ALDH1A2: variants seen among roughly 807,000 people sequenced by gnomAD.
ALDH1A2 encodes the protein retinal dehydrogenase 2.
A neutral mutation model predicts 60.3 loss-of-function variants in ALDH1A2; 27 were observed. That is an observed-to-expected ratio of 0.45 (90% CI 0.33 to 0.62). The LOEUF (loss-of-function observed/expected upper bound fraction) is 0.62. ALDH1A2 is among the 20% of genes least tolerant of loss of function. ALDH1A2 has a pLI of 0.02. For missense variants in ALDH1A2, 581 were observed against 643.8 expected, an observed-to-expected ratio of 0.90 and a Z score of 1.06; for synonymous variants, 289 against 232.4, an observed-to-expected ratio of 1.24 and a Z score of -2.21.
At chr15:58,013,738 C>T in intron 3 of ALDH1A2, 120 bp downstream of exon 3, 2 of 1,354,468 alleles carry the variant, frequency 1.5e-6, no homozygotes, top group Middle Eastern at 2.8e-4. Flanking sequence ...GGCGACAGAG[C>T]TAGACTCCGT....
chr15:57,984,345 T>C (rs1894625613), intron 7 of ALDH1A2, among the ~76,000 whole-genome samples: 1 of 152,228 alleles, frequency 6.6e-6, no homozygotes. Flanking sequence ...TAATACTTTG[T>C]AAAATTAATT....
At chr15:57,961,395 C>A (rs2140449418) in intron 10 of ALDH1A2, 101 bp from the exon 11 acceptor site, 1 of 1,417,634 alleles carries the variant, frequency 7.1e-7, no homozygotes, top group Admixed American at 1.8e-5. Context: ...ACTTAAATGA[C>A]CTTTAAGTTT....
At chr15:57,959,707 T>G (rs982750693) in intron 12 of ALDH1A2, among the ~76,000 whole-genome samples, 2 of 152,206 alleles carry the variant, frequency 1.3e-5, no homozygotes, top group African/African-American at 4.8e-5. Context: ...ATTAAGTAAT[T>G]TGTCCAAGGT....
At chr15:58,059,353 C>G (rs1005775202) in intron 1 of ALDH1A2, among the ~76,000 whole-genome samples, 1 of 152,114 alleles carries the variant, frequency 6.6e-6, no homozygotes, top group Non-Finnish European at 1.5e-5. Flanking sequence ...TCAAAATAGC[C>G]ACGGCCTGGT....
intron 3 of ALDH1A2, 73 bp from the exon 4 acceptor site, chr15:58,010,851 G>T (rs1230972404): frequency 6.4e-7 from 1 of 1,570,866 alleles, no homozygotes; most frequent in African/African-American, 1.4e-5. Context: ...TAGAGCAGAA[G>T]AAAAAAGGAA....
Position 58,065,667 on chromosome 15 carries a change from T to A in ALDH1A2, c.-17A>T, listed in dbSNP as rs1200359861. ...GGAAGTCATGGTGGCGGGCCGGGTG[T>A]CCCTAGCCCGCGGCGTGGGGCAGTG... On this transcript the variant is annotated 5_prime_UTR_variant, in exon 1 of 13. Coordinates refer to ENST00000249750, the MANE Select transcript of ALDH1A2 (RefSeq NM_003888.4). The A allele has an allele frequency of 1.9e-6, 3 of 1,553,170 alleles. No individual in the cohort carries two copies. Among genetic ancestry groups the A allele is most frequent in the African/African-American group, 1.4e-5 (1 of 73,328 alleles).
At chr15:58,032,496 A>T (rs1390422152) in intron 1 of ALDH1A2, among the ~76,000 whole-genome samples, 2 of 152,194 alleles carry the variant, frequency 1.3e-5, no homozygotes, top group African/African-American at 4.8e-5. Context: ...CCTAAAACTT[A>T]AAGTATAATT....
In ALDH1A2 at chr15:57,964,103, T is replaced by G. The variant is rs1490114162; in HGVS notation, c.902-34A>C. 3.7e-6 allele frequency: 6 copies of G among 1,612,600 alleles called. No homozygotes were observed. In the South Asian group the frequency reaches 5.5e-5, roughly 15 times the overall value. On this transcript the variant is annotated intron_variant, in intron 8 of 12. Transcript: ENST00000249750. The stretch of plus-strand genomic sequence containing the variant: ...GGAAACAGCCATGTTCTCACCGCTT[T>G]GCCTGGGGAGGGGCCTGTCTATGAA...
chr15:58,062,376 T>C (rs1897063167), intron 1 of ALDH1A2, among the ~76,000 whole-genome samples: 1 of 152,112 alleles, frequency 6.6e-6, no homozygotes, highest in African/African-American at 2.4e-5. Context: ...AAGGTCGAAG[T>C]GGAATACAGA....
chr15:58,019,408 T>C (rs1394547481), intron 1 of ALDH1A2, among the ~76,000 whole-genome samples: 1 of 152,228 alleles, frequency 6.6e-6, no homozygotes, highest in Non-Finnish European at 1.5e-5. Context: ...GCTTTGTAGT[T>C]TACTGAATTT....
At chr15:57,985,114 T>C (rs1336797027) in intron 7 of ALDH1A2, among the ~76,000 whole-genome samples, 1 of 152,232 alleles carries the variant, frequency 6.6e-6, no homozygotes, top group African/African-American at 2.4e-5. Context: ...CTTCTACATG[T>C]TGGCCACAAT....
At chr15:58,020,299 A>G (rs1398495433) in intron 1 of ALDH1A2, among the ~76,000 whole-genome samples, 1 of 152,188 alleles carries the variant, frequency 6.6e-6, no homozygotes, top group Non-Finnish European at 1.5e-5. Flanking sequence ...ATGTATCTTT[A>G]TAATATGATT....
intron 1 of ALDH1A2, among the ~76,000 whole-genome samples, chr15:58,052,289 C>T (rs1320857870): frequency 1.3e-5 from 2 of 152,038 alleles, no homozygotes; most frequent in Admixed American, 6.6e-5. Flanking sequence ...CTTTCAGATG[C>T]CCATAATCCC....
At chr15:57,960,923 AAGTTTTAT>A in intron 11 of ALDH1A2, 79 bp from the exon 12 acceptor site, 1 of 1,441,320 alleles carries the variant, frequency 6.9e-7, no homozygotes, top group Non-Finnish European at 9.6e-7. Context: ...TTTCTTTTAG[AAGTTTTAT>A]TTTTAAATTC....
At chr15:57,971,478 T>C (rs1255830348) in intron 7 of ALDH1A2, among the ~76,000 whole-genome samples, 2 of 152,184 alleles carry the variant, frequency 1.3e-5, no homozygotes, top group African/African-American at 4.8e-5. Flanking sequence ...AAGGTTGAAC[T>C]GTAGTAGTAT....
intron 7 of ALDH1A2, among the ~76,000 whole-genome samples, chr15:57,973,135 G>T (rs1342098884): frequency 6.6e-6 from 1 of 152,150 alleles, no homozygotes; most frequent in African/African-American, 2.4e-5. Flanking sequence ...CTAATGATGA[G>T]ATCATTGTTT....
chr15:58,065,122 G>A (rs748600344), intron 1 of ALDH1A2: 27 of 285,240 alleles, frequency 9.5e-5, no homozygotes, highest in Non-Finnish European at 1.7e-4. Flanking sequence ...CGAGGGGCCC[G>A]GAAGGCGGAG....
intron 7 of ALDH1A2, chr15:57,980,022 G>T: frequency 3.0e-6 from 1 of 330,576 alleles, no homozygotes. Flanking sequence ...TACCCATCTG[G>T]AGGCCAATGA....
intron 1 of ALDH1A2, among the ~76,000 whole-genome samples, chr15:58,057,099 A>T (rs1249583377): frequency 3.9e-5 from 6 of 152,164 alleles, no homozygotes; most frequent in Admixed American, 3.9e-4. Context: ...CTCACCAGGT[A>T]TATGAGGAGA....
Sources: allele counts gnomAD v4.1 joint callset (sites outside exome capture counted in the v4.1 genomes callset), GRCh38; gene constraint gnomAD v4.1.1; transcripts MANE v1.5; gene names NCBI Gene and HGNC (gene_info 2026-07-23, HGNC 2026-07-21).